Variants in EVI5 observed in about 807,000 individuals in gnomAD.
EVI5 encodes ecotropic viral integration site 5 protein homolog.
A neutral mutation model predicts 112.0 loss-of-function variants in EVI5; 73 were observed. The ratio of observed to expected loss-of-function variants is 0.65; its 90% CI spans 0.54 to 0.79. The LOEUF is 0.79. Ranked by LOEUF, EVI5 falls within the 30% of genes least tolerant of loss-of-function variation. The pLI, the probability that EVI5 is intolerant of heterozygous loss-of-function variation, is 0.00. For missense variants in EVI5, 900 were observed against 968.8 expected (o/e 0.93, Z 0.94); for synonymous variants, 305 against 319.9 (o/e 0.95, Z 0.50).
At chr1:92,687,059 C>A (rs1668664305) in intron 9 of EVI5, among the ~76,000 whole-genome samples, 1 of 152,004 alleles carries the variant, frequency 6.6e-6, no homozygotes, top group African/African-American at 2.4e-5. Flanking sequence ...CATATGGAAC[C>A]AAAAAAGAGC....
Position 92,558,828 on chromosome 1 carries a change from C to A in EVI5, c.2166+4814G>T, listed in dbSNP as rs149591845. ...GCCAGCCTGAGCAACATAGTGAGAC[C>A]CCCATCTCTAAAAAAAAAAAAAAAG... On this transcript the variant is annotated intron_variant, in intron 19 of 19. Coordinates refer to ENST00000684568, the MANE Select transcript of EVI5 (RefSeq NM_001350197.2). Among the ~76,000 whole-genome samples the A allele has an allele frequency of 4.6e-3, 671 of 147,348 alleles. 6 individuals carry two copies. The highest frequency in any genetic ancestry group is 0.016 in the African/African-American group (636 of 39,116).
intron 2 of EVI5, among the ~76,000 whole-genome samples, chr1:92,728,183 CT>C (rs1675881593): frequency 6.6e-6 from 1 of 151,888 alleles, no homozygotes; most frequent in Non-Finnish European, 1.5e-5. Context: ...TATAACAATC[CT>C]AAATGTTTAT....
chr1:92,780,162 C>T (rs1467621353), intron 1 of EVI5, among the ~76,000 whole-genome samples: 1 of 152,210 alleles, frequency 6.6e-6, no homozygotes, highest in Non-Finnish European at 1.5e-5. Flanking sequence ...GGGGCTTCAC[C>T]CTTTGCTGGG....
intron 1 of EVI5, among the ~76,000 whole-genome samples, chr1:92,764,244 A>G (rs1682296317): frequency 6.6e-6 from 1 of 152,238 alleles, no homozygotes; most frequent in African/African-American, 2.4e-5. Flanking sequence ...CAAAGTTACC[A>G]CACATACCTA....
chr1:92,674,847 CAAT>C (rs1572229603), intron 10 of EVI5, among the ~76,000 whole-genome samples: 2 of 152,054 alleles, frequency 1.3e-5, no homozygotes, highest in African/African-American at 4.8e-5. Flanking sequence ...TACATGGAAA[CAAT>C]ATTATAAAAA....
At chr1:92,516,553 G>A (rs1659917557) in intron 19 of EVI5, among the ~76,000 whole-genome samples, 1 of 152,304 alleles carries the variant, frequency 6.6e-6, no homozygotes, top group East Asian at 1.9e-4. Flanking sequence ...AGACTTAGGT[G>A]TGTGCACACT....
chr1:92,715,636 C>T (rs151155417), intron 2 of EVI5, among the ~76,000 whole-genome samples: 372 of 152,208 alleles, frequency 2.4e-3, no homozygotes, highest in African/African-American at 7.6e-3. Flanking sequence ...CCACAGAGGG[C>T]GAGCCAAAGC....
chr1:92,743,331 G>A (rs1215085264), intron 1 of EVI5, among the ~76,000 whole-genome samples: 2 of 151,772 alleles, frequency 1.3e-5, no homozygotes, highest in East Asian at 3.9e-4. Flanking sequence ...CCAGCCTGGC[G>A]ACAGAGCAAG....
Position 92,606,553 on chromosome 1 carries a change from T to C in EVI5, c.1974+1028A>G, listed in dbSNP as rs1022290884. On this transcript the variant is annotated intron_variant, in intron 17 of 19. Coordinates refer to ENST00000684568, the MANE Select transcript of EVI5 (RefSeq NM_001350197.2). ...ACTGTGCTTTTAGTAGGAATTTCAG[T>C]ACTGCCTACAGATTTCTGTCAGTAT... Among the ~76,000 whole-genome samples, 18 of 152,334 alleles carry C rather than the reference T, an allele frequency of 1.2e-4. No homozygotes were observed. In the South Asian group the frequency reaches 1.2e-3, roughly 11 times the overall value.
chr1:92,569,274 A>G (rs1402729858), intron 18 of EVI5, among the ~76,000 whole-genome samples: 1 of 152,234 alleles, frequency 6.6e-6, no homozygotes, highest in Non-Finnish European at 1.5e-5. Flanking sequence ...CTTAATTTAT[A>G]GCATTCTGAA....
intron 2 of EVI5, among the ~76,000 whole-genome samples, chr1:92,720,499 T>A (rs1051244335): frequency 3.3e-5 from 5 of 152,278 alleles, no homozygotes; most frequent in African/African-American, 1.2e-4. Flanking sequence ...CTGGATCCCT[T>A]CCTTACACCT....
In EVI5 at chr1:92,556,582, C is replaced by T. The variant is rs889768704; in HGVS notation, c.2166+7060G>A. On this transcript the variant is annotated intron_variant, in intron 19 of 19. Transcript: ENST00000684568. ...TGAAGTCTCAGTTTCCAAGAACCTA[C>T]TGACAATGTTAAGTGAGGACTTAAT... Among the ~76,000 whole-genome samples the T allele has an allele frequency of 2.6e-5, 4 of 152,140 alleles. No individual in the cohort carries two copies. In the East Asian group the frequency reaches 7.7e-4, roughly 29 times the overall value.
At chr1:92,748,011 A>G (rs958544954) in intron 1 of EVI5, among the ~76,000 whole-genome samples, 1 of 152,120 alleles carries the variant, frequency 6.6e-6, no homozygotes, top group Non-Finnish European at 1.5e-5. Context: ...TTTCCAAATA[A>G]AGTCACATTC....
At chr1:92,615,587 C>T (rs1405817310) in intron 16 of EVI5, among the ~76,000 whole-genome samples, 5 of 152,186 alleles carry the variant, frequency 3.3e-5, no homozygotes, top group Admixed American at 1.3e-4. Context: ...GAACAACTTC[C>T]CCATCCCCAG....
intron 19 of EVI5, among the ~76,000 whole-genome samples, chr1:92,521,184 A>G (rs1660870680): frequency 6.6e-6 from 1 of 150,682 alleles, no homozygotes; most frequent in South Asian, 2.1e-4. Flanking sequence ...CTGGTCTCAA[A>G]CTCTTGGGCT....
chr1:92,643,291 CTTTTTT>C (rs34807551), intron 13 of EVI5, among the ~76,000 whole-genome samples: 3 of 123,058 alleles, frequency 2.4e-5, no homozygotes, highest in African/African-American at 6.3e-5. Context: ...TAACTCAAAT[CTTTTTT>C]TTTTTTTTTT....
At chr1:92,660,559 T>C (rs1476813378) in intron 13 of EVI5, among the ~76,000 whole-genome samples, 1 of 151,940 alleles carries the variant, frequency 6.6e-6, no homozygotes, top group African/African-American at 2.4e-5. Flanking sequence ...TATTTGAAAA[T>C]AGCTAGAAGA....
At chr1:92,592,360 C>A (rs961602785) in intron 18 of EVI5, among the ~76,000 whole-genome samples, 2 of 152,228 alleles carry the variant, frequency 1.3e-5, no homozygotes, top group Non-Finnish European at 2.9e-5. Flanking sequence ...TAAAGATGTT[C>A]TTTGAAACCA....
At chr1:92,650,086 T>C (rs768221222) in intron 13 of EVI5, among the ~76,000 whole-genome samples, 6 of 152,218 alleles carry the variant, frequency 3.9e-5, no homozygotes, top group Non-Finnish European at 8.8e-5. Flanking sequence ...TCTAGCTTTG[T>C]ATTAAGTTTA....
Sources: gnomAD v4.1 joint callset for allele counts (sites outside exome capture counted in the v4.1 genomes callset) on GRCh38, gnomAD v4.1.1 for gene constraint, MANE v1.5 for transcripts, NCBI Gene and HGNC (gene_info 2026-07-23, HGNC 2026-07-21) for gene names.